Variants in TNKS observed in about 807,000 individuals in gnomAD.
The protein encoded by TNKS is poly [ADP-ribose] polymerase tankyrase-1.
A neutral mutation model predicts 135.8 loss-of-function variants in TNKS; 72 were observed. The ratio of observed to expected loss-of-function variants is 0.53; its 90% CI spans 0.44 to 0.64. The LOEUF (loss-of-function observed/expected upper bound fraction) is 0.64. TNKS is among the 30% of genes least tolerant of loss of function. TNKS has a pLI of 0.00. For missense variants in TNKS, 1,769 were observed against 1,674.0 expected (o/e 1.06, Z -0.99); for synonymous variants, 849 against 649.3 (o/e 1.31, Z -4.68).
Position 9,720,221 on chromosome 8 carries a change from A to G in TNKS, c.1750-153A>G, listed in dbSNP as rs532645567. Reference sequence around the variant, plus strand: ...GTAACTAAAAAGAAGATAGTTCTTCAGAATCAGTGAGCAAAAGTTTATAAT... The same window carrying G: ...GTAACTAAAAAGAAGATAGTTCTTCGGAATCAGTGAGCAAAAGTTTATAAT... On this transcript the variant is annotated intron_variant, in intron 11 of 26. Transcript: ENST00000310430. Among the ~76,000 whole-genome samples the G allele has an allele frequency of 3.0e-4, 46 of 152,376 alleles. 1 individual carries two copies. The South Asian group carries it at 8.3e-3, about 27-fold the overall frequency.
rs370316105 is a variant in TNKS at position 9,615,635 on chromosome 8, G to C, written c.952G>C (p.Ala318Pro). Residue 318 changes from alanine to proline, a missense_variant, in exon 3 of 27, where the codon GCC (alanine) becomes CCC (proline). Physicochemically the swap from Ala to Pro is conservative, Grantham distance 27 (BLOSUM62 -1). Coordinates refer to ENST00000310430, the MANE Select transcript of TNKS (RefSeq NM_003747.3). ...CATTCGGAACACTGATGGGAAATCA[G>C]CCCTGGACCTGGCAGATCCTTCAGC... ...PNIRNTDGKS[A>P]LDLADPSAKA... 154 of 1,613,524 alleles carry C rather than the reference G, an allele frequency of 9.5e-5. No homozygotes were observed. Among genetic ancestry groups the C allele is most frequent in the Non-Finnish European group, 7.5e-5 (89 of 1,179,838 alleles).
At chr8:9,567,839 T>C (rs1386751337) in intron 1 of TNKS, among the ~76,000 whole-genome samples, 4 of 152,206 alleles carry the variant, frequency 2.6e-5, no homozygotes, top group Non-Finnish European at 4.4e-5. Context: ...CTGAAACATA[T>C]TGGAGTCACA....
intron 5 of TNKS, among the ~76,000 whole-genome samples, chr8:9,685,737 G>C (rs1802964427): frequency 6.6e-6 from 1 of 152,130 alleles, no homozygotes; most frequent in Non-Finnish European, 1.5e-5. Flanking sequence ...TATAAATTCA[G>C]AAATACATTC....
chr8:9,752,476 T>A, intron 19 of TNKS, 68 bp from the exon 20 acceptor site: 1 of 1,211,986 alleles, frequency 8.3e-7, no homozygotes, highest in Non-Finnish European at 1.2e-6. Context: ...CATGTCTAAA[T>A]GGATACTGAA....
At chr8:9,639,936 G>A (rs184295099) in intron 3 of TNKS, among the ~76,000 whole-genome samples, 1,674 of 152,326 alleles carry the variant, frequency 0.011, 11 homozygotes, top group African/African-American at 0.023. Flanking sequence ...TTCAAGAACA[G>A]TGGGAATTGT....
At chr8:9,676,158 T>C (rs1802525245) in intron 3 of TNKS, among the ~76,000 whole-genome samples, 1 of 151,880 alleles carries the variant, frequency 6.6e-6, no homozygotes, top group Non-Finnish European at 1.5e-5. Context: ...AATTACAGCA[T>C]CCACCACCAT....
At chr8:9,687,346 T>C (rs762988883) in intron 5 of TNKS, among the ~76,000 whole-genome samples, 1 of 152,224 alleles carries the variant, frequency 6.6e-6, no homozygotes, top group Non-Finnish European at 1.5e-5. Flanking sequence ...GAGTACGTCT[T>C]GCTGAGCAAT....
At chr8:9,772,931 A>C (rs1808017398) in intron 26 of TNKS, among the ~76,000 whole-genome samples, 2 of 148,578 alleles carry the variant, frequency 1.3e-5, no homozygotes, top group South Asian at 4.3e-4. Context: ...AAAGCAAATG[A>C]GATAAATAAA....
chr8:9,700,569 A>C (rs1269523152), intron 5 of TNKS, among the ~76,000 whole-genome samples: 3 of 150,736 alleles, frequency 2.0e-5, no homozygotes, highest in African/African-American at 4.9e-5. Flanking sequence ...CCCAGACCTC[A>C]CATTATTTCC....
intron 13 of TNKS, 44 bp downstream of exon 13, chr8:9,726,764 T>G (rs767321308): frequency 1.5e-5 from 22 of 1,449,202 alleles, no homozygotes; most frequent in Non-Finnish European, 1.1e-5. Flanking sequence ...TGTTGAACTT[T>G]GCTAACCAAT....
At chr8:9,727,919 T>C (rs982651888) in intron 13 of TNKS, among the ~76,000 whole-genome samples, 2 of 152,236 alleles carry the variant, frequency 1.3e-5, no homozygotes, top group Non-Finnish European at 2.9e-5. Context: ...TCTAAAACTG[T>C]ACATTTTTTC....
At chr8:9,747,561 A>G (rs1031642884) in intron 17 of TNKS, among the ~76,000 whole-genome samples, 1 of 152,358 alleles carries the variant, frequency 6.6e-6, no homozygotes, top group East Asian at 1.9e-4. Context: ...TGAGATGAGT[A>G]TTTCAGTAAA....
At chr8:9,561,751 G>T (rs894608505) in intron 1 of TNKS, among the ~76,000 whole-genome samples, 2 of 152,132 alleles carry the variant, frequency 1.3e-5, no homozygotes, top group African/African-American at 4.8e-5. Context: ...GTAGGTAAAT[G>T]TCCGGTTTTA....
chr8:9,599,858 G>C (rs1798945244), intron 2 of TNKS, among the ~76,000 whole-genome samples: 1 of 152,012 alleles, frequency 6.6e-6, no homozygotes, highest in Non-Finnish European at 1.5e-5. Flanking sequence ...AATTGAATTG[G>C]AAGATTCTTT....
chr8:9,611,573 C>T (rs1799465027), intron 2 of TNKS, among the ~76,000 whole-genome samples: 1 of 152,080 alleles, frequency 6.6e-6, no homozygotes, highest in African/African-American at 2.4e-5. Flanking sequence ...TTTTTAATGG[C>T]TCAGAATGTT....
chr8:9,673,496 G>T (rs1802398355), intron 3 of TNKS, among the ~76,000 whole-genome samples: 1 of 145,564 alleles, frequency 6.9e-6, no homozygotes, highest in Non-Finnish European at 1.5e-5. Flanking sequence ...CCAGGCTGGA[G>T]TGCAGTGGTG....
rs188755450 is a variant in TNKS at position 9,747,172 on chromosome 8, C to T, written c.2644-852C>T. Reference sequence around the variant, plus strand: ...TGCTGGGATTACAGGCGTGAGCCACCGCACCCAGCCCCTACTTAAACTTTT... The same window carrying T: ...TGCTGGGATTACAGGCGTGAGCCACTGCACCCAGCCCCTACTTAAACTTTT... On this transcript the variant is annotated intron_variant, in intron 17 of 26. Transcript: ENST00000310430. Among the ~76,000 whole-genome samples, 72 of 152,050 alleles carry T rather than the reference C, an allele frequency of 4.7e-4. 2 individuals are homozygous for T. The South Asian group carries it at 0.013, about 28-fold the overall frequency.
rs1417608170 is a variant in TNKS at position 9,556,361 on chromosome 8, C to T, written c.422C>T (p.Ser141Phe). Residue 141 changes from serine (S) to phenylalanine (F), a missense_variant, in exon 1 of 27, where the codon TCC becomes TTC. Around this residue, in one of 5 missense-constraint regions of TNKS, gnomAD observed 450 missense variants for 304.9 expected, o/e 1.48. Coordinates refer to ENST00000310430, the MANE Select transcript of TNKS (RefSeq NM_003747.3). ...TCTTCCCCGACTTCTTCCTCATCTTCCTCTCCATCCTCCCCTGGATCGAGC... is the reference window on the plus strand; with the variant it reads ...TCTTCCCCGACTTCTTCCTCATCTTTCTCTCCATCCTCCCCTGGATCGAGC... ...SSSSPTSSSSSSPSSPGSSLA... is the reference protein window; with the variant it reads ...SSSSPTSSSSFSPSSPGSSLA... The T allele has an allele frequency of 3.1e-6, 5 of 1,614,130 alleles. No homozygotes were observed. Among genetic ancestry groups the T allele is most frequent in the South Asian group, 2.2e-5 (2 of 91,092 alleles).
chr8:9,658,441 A>C lies in TNKS; in HGVS notation c.995-21510A>C, dbSNP rs545213400. 78 of 1,185,094 alleles carry C rather than the reference A, an allele frequency of 6.6e-5. No homozygotes were observed. In the East Asian group the frequency reaches 1.9e-3, roughly 29 times the overall value. The allele number at this position is 1,185,094 out of a possible 1,614,324, so 73.4% of individuals were successfully genotyped here. On this transcript the variant is annotated intron_variant, in intron 3 of 26. Transcript: ENST00000310430. The stretch of plus-strand genomic sequence containing the variant: ...CGGCGGTCGGGCGGCGGCGGCTGCC[A>C]AGAAAAGAATTTTCAACCCAGAATT...
Sources: allele counts gnomAD v4.1 joint callset (sites outside exome capture counted in the v4.1 genomes callset), GRCh38; gene constraint gnomAD v4.1.1; regional missense constraint gnomAD v4.1.1; transcripts MANE v1.5; gene names NCBI Gene and HGNC (gene_info 2026-07-23, HGNC 2026-07-21).